The following ANO3 variants were observed in gnomAD, a reference collection of about 807,000 sequenced individuals.
ANO3 encodes anoctamin 3, also known as anoctamin-3.
Under a neutral mutation model 144.8 loss-of-function variants are expected in ANO3, and 99 were observed. The observed-to-expected ratio is 0.68, with a 90% CI of 0.58 to 0.81. The LOEUF is 0.81. Among genes scored for constraint, ANO3 ranks in the 30% least tolerant of loss-of-function variants. The pLI is 0.00. For synonymous variants in ANO3, 414 were observed against 392.6 expected (o/e 1.05, Z -0.64); for missense variants, 905 against 1,202.2 (o/e 0.75, Z 3.66).
chr11:26,191,335 TACACAC>T (rs746463223), intron 1 of ANO3, among the ~76,000 whole-genome samples: 1,667 of 144,186 alleles, frequency 0.012, 24 homozygotes, highest in African/African-American at 0.039. Flanking sequence ...TATACACACA[TACACAC>T]ACACACACAC....
intron 1 of ANO3, among the ~76,000 whole-genome samples, chr11:26,363,679 C>G (rs959947728): frequency 6.6e-6 from 1 of 152,090 alleles, no homozygotes; most frequent in Non-Finnish European, 1.5e-5. Context: ...AGAGTCCACG[C>G]CTATGCTTTA....
chr11:26,454,730 A>G (rs1428497792), intron 3 of ANO3, among the ~76,000 whole-genome samples: 1 of 152,136 alleles, frequency 6.6e-6, no homozygotes, highest in Non-Finnish European at 1.5e-5. Flanking sequence ...TTATGAGGCC[A>G]GCATCTTCCT....
intron 1 of ANO3, among the ~76,000 whole-genome samples, chr11:26,315,077 G>C (rs1293610914): frequency 6.7e-6 from 1 of 149,816 alleles, no homozygotes; most frequent in Non-Finnish European, 1.5e-5. Flanking sequence ...TAAATCCTAG[G>C]TAGGTCTATA....
At chr11:26,390,457 C>T (rs1167516409) in intron 1 of ANO3, among the ~76,000 whole-genome samples, 1 of 152,062 alleles carries the variant, frequency 6.6e-6, no homozygotes, top group Non-Finnish European at 1.5e-5. Context: ...TTCATCATCA[C>T]TTCTTAAAAC....
At chr11:26,422,585 C>T (rs1857785093) in intron 1 of ANO3, among the ~76,000 whole-genome samples, 1 of 152,030 alleles carries the variant, frequency 6.6e-6, no homozygotes, top group South Asian at 2.1e-4. Context: ...GACACATTTC[C>T]TATGGGTTTA....
At chr11:26,369,887 T>C (rs1276189737) in intron 1 of ANO3, among the ~76,000 whole-genome samples, 4 of 152,196 alleles carry the variant, frequency 2.6e-5, no homozygotes, top group Non-Finnish European at 5.9e-5. Context: ...TTACCATCAG[T>C]GGTTCAATTT....
At chr11:26,574,876 T>C (rs1410277984) in intron 14 of ANO3, among the ~76,000 whole-genome samples, 2 of 152,080 alleles carry the variant, frequency 1.3e-5, no homozygotes, top group African/African-American at 2.4e-5. Flanking sequence ...GAGGTTATGA[T>C]ATTGCATATA....
chr11:26,404,823 C>T (rs1250052063), intron 1 of ANO3, among the ~76,000 whole-genome samples: 1 of 151,222 alleles, frequency 6.6e-6, no homozygotes, highest in East Asian at 1.9e-4. Context: ...TAAAGGAAAA[C>T]CATAAAATCC....
At chr11:26,394,572 T>A (rs940441460) in intron 1 of ANO3, among the ~76,000 whole-genome samples, 5 of 33,274 alleles carry the variant, frequency 1.5e-4, no homozygotes, top group African/African-American at 3.0e-4. Context: ...TTCATTTTCT[T>A]TTTTTTTTTT....
chr11:26,602,696 A>G (rs1851834427), intron 17 of ANO3, among the ~76,000 whole-genome samples: 1 of 150,860 alleles, frequency 6.6e-6, no homozygotes, highest in Non-Finnish European at 1.5e-5. Flanking sequence ...AGCTACAATA[A>G]GCTGTGATCA....
upstream of ANO3, among the ~76,000 whole-genome samples, chr11:26,304,752 C>T (rs1307830905): frequency 1.3e-5 from 2 of 152,070 alleles, no homozygotes; most frequent in Non-Finnish European, 2.9e-5. Flanking sequence ...TTCAATGTTA[C>T]ACATAGTATG....
At chr11:26,392,202 C>T (rs139967498) in intron 1 of ANO3, among the ~76,000 whole-genome samples, 7 of 149,124 alleles carry the variant, frequency 4.7e-5, no homozygotes, top group African/African-American at 9.9e-5. Context: ...GTTTTCTGAA[C>T]GCTCCTTTGT....
chr11:26,321,408 C>G (rs1854758201), intron 1 of ANO3, among the ~76,000 whole-genome samples: 1 of 151,752 alleles, frequency 6.6e-6, no homozygotes, highest in South Asian at 2.1e-4. Flanking sequence ...TATTAAGTTC[C>G]CCTGGAAAGT....
chr11:26,337,375 T>C (rs933222608), intron 1 of ANO3, among the ~76,000 whole-genome samples: 11 of 152,312 alleles, frequency 7.2e-5, no homozygotes, highest in African/African-American at 2.2e-4. Flanking sequence ...GAATTCTATC[T>C]GAAGTAACTA....
intron 1 of ANO3, among the ~76,000 whole-genome samples, chr11:26,250,424 T>C (rs768449010): frequency 5.6e-4 from 85 of 152,344 alleles, no homozygotes; most frequent in Non-Finnish European, 1.1e-3. Context: ...CATATCTATT[T>C]ATTTCCAATG....
intron 3 of ANO3, among the ~76,000 whole-genome samples, chr11:26,459,177 A>G (rs1191705173): frequency 3.9e-5 from 6 of 152,106 alleles, no homozygotes; most frequent in Non-Finnish European, 2.9e-5. Context: ...GGAGCTGGAC[A>G]GGGAATGATA....
intron 14 of ANO3, among the ~76,000 whole-genome samples, chr11:26,569,211 T>A (rs1472606282): frequency 6.6e-6 from 1 of 152,118 alleles, no homozygotes; most frequent in Non-Finnish European, 1.5e-5. Flanking sequence ...CTTTTGATTG[T>A]AACTTGAAAA....
chr11:26,253,302 G>A (rs1332006079), intron 1 of ANO3, among the ~76,000 whole-genome samples: 1 of 152,120 alleles, frequency 6.6e-6, no homozygotes, highest in Non-Finnish European at 1.5e-5. Flanking sequence ...TAGCACAGGA[G>A]CAGAAAATCG....
chr11:26,481,045 A>G (rs917848278), intron 4 of ANO3, among the ~76,000 whole-genome samples: 3 of 152,156 alleles, frequency 2.0e-5, no homozygotes, highest in Admixed American at 6.5e-5. Context: ...TTTGTGAGGA[A>G]TCAGTGAATG....
Sources: gnomAD v4.1 joint callset for allele counts (sites outside exome capture counted in the v4.1 genomes callset) on GRCh38, gnomAD v4.1.1 for gene constraint, MANE v1.5 for transcripts, NCBI Gene and HGNC (gene_info 2026-07-23, HGNC 2026-07-21) for gene names.